The following MAP3K13 variants were observed in gnomAD, a reference collection of about 807,000 sequenced individuals.
MAP3K13 encodes the protein leucine zipper-bearing kinase.
In MAP3K13, 52 loss-of-function variants were observed where a neutral mutation model predicts 104.0. The observed-to-expected ratio is 0.50, with a 90% CI of 0.40 to 0.63. The LOEUF is 0.63. Ranked by LOEUF, MAP3K13 falls within the 20% of genes least tolerant of loss-of-function variation. MAP3K13 has a pLI of 0.00. For synonymous variants in MAP3K13, 394 were observed against 442.2 expected (o/e 0.89, Z 1.37); for missense variants, 914 against 1,218.5 (o/e 0.75, Z 3.72).
intron 2 of MAP3K13, among the ~76,000 whole-genome samples, chr3:185,303,532 T>G (rs9809993): frequency 0.77 from 116,820 of 150,826 alleles, 45,742 homozygotes; most frequent in Non-Finnish European, 0.83. Flanking sequence ...TTTTTTTTTT[T>G]TATGATTCAG....
At chr3:185,346,892 A>G (rs574347336) in intron 2 of MAP3K13, among the ~76,000 whole-genome samples, 16 of 151,850 alleles carry the variant, frequency 1.1e-4, no homozygotes, top group Admixed American at 8.5e-4. Flanking sequence ...ATGCTTATCT[A>G]TCTACCTTGA....
chr3:185,312,212 A>G lies in MAP3K13; in HGVS notation c.-86+26569A>G, dbSNP rs958141434. On this transcript the variant is annotated intron_variant, in intron 2 of 14. Coordinates refer to the MAP3K13 transcript ENST00000424227. ...AAGCCAAGGAGAAGTATTTACTTGT[A>G]TACTTCTGACTGGTAGCTACCTCCT... is the stretch of plus-strand genomic sequence containing the variant. Among the ~76,000 whole-genome samples, 5 of 152,362 alleles carry G rather than the reference A, an allele frequency of 3.3e-5. No individual in the cohort carries two copies. The South Asian group carries it at 6.2e-4, about 19-fold the overall frequency.
chr3:185,423,061 C>G lies in MAP3K13; in HGVS notation c.-85-5436C>G, dbSNP rs754384618. ...CTAATGACTAATGATCTGTCACTGT[C>G]CCCCATCACCCCCAGATAGGACTGT... On this transcript the variant is annotated intron_variant, in intron 1 of 13. Coordinates refer to ENST00000265026, the MANE Select transcript of MAP3K13 (RefSeq NM_004721.5). The surrounding 1 kb of genome is among the most constrained non-coding windows in gnomAD (Gnocchi z 4.1). Among the ~76,000 whole-genome samples, 1 of 152,154 alleles carries G rather than the reference C, an allele frequency of 6.6e-6. No individual in the cohort carries two copies. The highest frequency in any genetic ancestry group is 2.4e-5 in the African/African-American group (1 of 41,424).
At chr3:185,386,477 T>C (rs1330917677) in intron 1 of MAP3K13, among the ~76,000 whole-genome samples, 1 of 152,074 alleles carries the variant, frequency 6.6e-6, no homozygotes, top group African/African-American at 2.4e-5. Context: ...TGTAAACTAG[T>C]GGAAGATAAT....
Position 185,441,937 on chromosome 3 carries a change from A to G in MAP3K13, c.660-1508A>G, listed in dbSNP as rs192104433. ...GCACCTGTAGTCCCAGCTACCCGGGAGGCTGAGACAGGAGAATTGCTTGAA... is the reference window on the plus strand; with the variant it reads ...GCACCTGTAGTCCCAGCTACCCGGGGGGCTGAGACAGGAGAATTGCTTGAA... On this transcript the variant is annotated intron_variant, in intron 3 of 13. Transcript: ENST00000265026. 3.4e-3 allele frequency among the ~76,000 whole-genome samples: 512 copies of G among 151,134 alleles called. 3 individuals are homozygous for G. Among genetic ancestry groups the G allele is most frequent in the African/African-American group, 0.011 (472 of 41,166 alleles).
chr3:185,404,875 C>T (rs1377365475), intron 1 of MAP3K13, among the ~76,000 whole-genome samples: 5 of 152,218 alleles, frequency 3.3e-5, no homozygotes, highest in African/African-American at 4.8e-5. Flanking sequence ...AGCCACCGCG[C>T]GCAGCCCTAT....
At chr3:185,433,375 G>A (rs1714854577) in intron 2 of MAP3K13, among the ~76,000 whole-genome samples, 1 of 152,202 alleles carries the variant, frequency 6.6e-6, no homozygotes, top group African/African-American at 2.4e-5. Flanking sequence ...GCAACGAAAA[G>A]TTTGGGACTA....
At chr3:185,432,312 T>G (rs1181391157) in intron 2 of MAP3K13, among the ~76,000 whole-genome samples, 1 of 146,506 alleles carries the variant, frequency 6.8e-6, no homozygotes, top group African/African-American at 2.5e-5. Flanking sequence ...TGCCTCAGCC[T>G]CCCGAGTAGC....
chr3:185,446,248 G>A (rs1036350138), intron 4 of MAP3K13, among the ~76,000 whole-genome samples: 6 of 151,558 alleles, frequency 4.0e-5, no homozygotes, highest in African/African-American at 1.5e-4. Context: ...TGAGGATGAA[G>A]CCTCTTATCA....
At position 185,466,946 on chromosome 3, in the gene MAP3K13, T is replaced by G. The variant is rs1386692392; in HGVS notation, c.1626T>G (p.Ser542=). ...AAAGGAAAGGAGTGCCTCACAAATCTGGGATGCAGACCAAACGGTGAGACA... is the reference window on the plus strand; with the variant it reads ...AAAGGAAAGGAGTGCCTCACAAATCGGGGATGCAGACCAAACGGTGAGACA... The part of the protein sequence containing the change: ...LMKRKGVPHK[S]GMQTKRPDLL... The change falls in exon 10 of 14, where the codon TCT becomes TCG. Residue 542 remains serine, a synonymous_variant. Coordinates refer to ENST00000265026, the MANE Select transcript of MAP3K13 (RefSeq NM_004721.5). 6.2e-7 allele frequency: 1 copy of G among 1,613,980 alleles called. No homozygotes were observed.
intron 7 of MAP3K13, among the ~76,000 whole-genome samples, chr3:185,455,237 TATATATATGATATATATG>T (rs1179292362): frequency 2.1e-5 from 1 of 47,514 alleles, no homozygotes; most frequent in Non-Finnish European, 4.3e-5. Flanking sequence ...ATATATGAGA[TATATATATGATATATATG>T]AGATATATGA....
At chr3:185,424,091 A>G (rs1431932208) in intron 1 of MAP3K13, among the ~76,000 whole-genome samples, 1 of 152,218 alleles carries the variant, frequency 6.6e-6, no homozygotes, top group Non-Finnish European at 1.5e-5. Flanking sequence ...GTGAGCTTCA[A>G]CAGGATAGGA....
chr3:185,375,802 G>C (rs1331775513), intron 1 of MAP3K13, among the ~76,000 whole-genome samples: 1 of 152,142 alleles, frequency 6.6e-6, no homozygotes, highest in Non-Finnish European at 1.5e-5. Context: ...TTTTTATTAA[G>C]GAGGCATTAA....
rs879136152 is a variant in MAP3K13, at chr3:185,418,319, A to C, written c.-85-10178A>C. On this transcript the variant is annotated intron_variant, in intron 1 of 13. Transcript: ENST00000265026. The surrounding 1 kb of genome is among the most constrained non-coding windows in gnomAD (Gnocchi z 4.5). The stretch of plus-strand genomic sequence containing the variant: ...TTGTAGCCTTCAACTTTATCTTCAA[A>C]TACCAAAGGAAGTTCAGGAACTTCC... 6.9e-6 allele frequency: 11 copies of C among 1,584,676 alleles called. No homozygotes were observed. Among genetic ancestry groups the C allele is most frequent in the South Asian group, 2.2e-5 (2 of 90,410 alleles).
chr3:185,368,300 C>G (rs1306753132), intron 1 of MAP3K13, among the ~76,000 whole-genome samples: 1 of 152,192 alleles, frequency 6.6e-6, no homozygotes, highest in Non-Finnish European at 1.5e-5. Flanking sequence ...ATCTAATTTT[C>G]AAACCCAGCT....
At chr3:185,472,162 T>C (rs1717834115) in intron 10 of MAP3K13, among the ~76,000 whole-genome samples, 1 of 151,980 alleles carries the variant, frequency 6.6e-6, no homozygotes, top group Non-Finnish European at 1.5e-5. Context: ...GTGGTTGGTC[T>C]GCTCCTGTGG....
chr3:185,313,465 T>A (rs1394640035), intron 2 of MAP3K13, among the ~76,000 whole-genome samples: 1 of 151,778 alleles, frequency 6.6e-6, no homozygotes, highest in East Asian at 2.0e-4. Context: ...GAGACGGAGT[T>A]TCGCTGTGTT....
At chr3:185,310,899 T>A (rs1242435830) in intron 2 of MAP3K13, among the ~76,000 whole-genome samples, 1 of 152,234 alleles carries the variant, frequency 6.6e-6, no homozygotes, top group Non-Finnish European at 1.5e-5. Flanking sequence ...CTTGCTGTTT[T>A]CTGCTTTCAA....
Position 185,455,423 on chromosome 3 carries a change from G to C in MAP3K13, c.1278+4028G>C, listed in dbSNP as rs1212249270. 1.2e-4 allele frequency among the ~76,000 whole-genome samples: 5 copies of C among 40,838 alleles called. 1 individual carries two copies. The highest frequency in any genetic ancestry group is 4.7e-4 in the African/African-American group (5 of 10,730). 26.8% of individuals were successfully genotyped at this position (40,838 alleles called of 152,430 possible). ...TGAGATATATATATGAGATATATAT[G>C]ATATATATGAGATATATATATGAGA... On this transcript the variant is annotated intron_variant, in intron 7 of 13. Coordinates refer to ENST00000265026, the MANE Select transcript of MAP3K13 (RefSeq NM_004721.5).
Sources: gnomAD v4.1 joint callset for allele counts (sites outside exome capture counted in the v4.1 genomes callset) on GRCh38, gnomAD v4.1.1 for gene constraint, Gnocchi (gnomAD v3.1) non-coding constraint, MANE v1.5 for transcripts, NCBI Gene and HGNC (gene_info 2026-07-23, HGNC 2026-07-21) for gene names.